RAVER2: variants seen among roughly 807,000 people sequenced by gnomAD.
The protein encoded by RAVER2 is ribonucleoprotein, PTB binding 2.
A neutral mutation model predicts 78.1 loss-of-function variants in RAVER2; 46 were observed. The observed-to-expected ratio is 0.59, with a 90% CI of 0.46 to 0.75. RAVER2 has a LOEUF of 0.75. Among genes scored for constraint, RAVER2 ranks in the 30% least tolerant of loss-of-function variants. The pLI is 0.00. For synonymous variants in RAVER2, 311 were observed against 313.3 expected (o/e 0.99, Z 0.08); for missense variants, 793 against 837.5 (o/e 0.95, Z 0.66).
chr1:64,763,180 C>G (rs1652070646), intron 1 of RAVER2, among the ~76,000 whole-genome samples: 1 of 151,998 alleles, frequency 6.6e-6, no homozygotes, highest in South Asian at 2.1e-4. Flanking sequence ...GCCTGTAGTC[C>G]CAGCTACTCA....
intron 5 of RAVER2, among the ~76,000 whole-genome samples, chr1:64,797,792 A>G (rs1283103816): frequency 6.6e-6 from 1 of 152,146 alleles, no homozygotes; most frequent in Non-Finnish European, 1.5e-5. Flanking sequence ...TGTTTAACAA[A>G]ATATATTTTA....
rs200629449 is a variant in RAVER2, at chr1:64,803,105, T to A, written c.1191+44T>A. ...GTACTGAAGCATTAAATATTCGGAG[T>A]GAATATTTTGTTTGTTCTTAACACT... On this transcript the variant is annotated intron_variant, in intron 6 of 11. Coordinates refer to ENST00000294428, the Ensembl canonical transcript of RAVER2. 1.1e-4 allele frequency: 156 copies of A among 1,388,518 alleles called. No homozygotes were observed. The East Asian group carries it at 3.6e-3, about 32-fold the overall frequency. 86.0% of individuals were successfully genotyped at this position (1,388,518 alleles called of 1,614,324 possible). A position where few individuals can be genotyped will look rare whatever the true frequency, so the allele number is the denominator to read the frequency against.
chr1:64,785,299 T>G (rs2483616), intron 4 of RAVER2, among the ~76,000 whole-genome samples: 73,415 of 151,642 alleles, frequency 0.48, 20,475 homozygotes, highest in African/African-American at 0.78. Flanking sequence ...TTCTCCTTAA[T>G]TTCTTTAGCG....
At chr1:64,775,472 A>G (rs1193483978) in intron 2 of RAVER2, among the ~76,000 whole-genome samples, 3 of 152,214 alleles carry the variant, frequency 2.0e-5, no homozygotes, top group African/African-American at 7.2e-5. Flanking sequence ...AATCTGGCAC[A>G]TGATACGGAA....
intron 11 of RAVER2, among the ~76,000 whole-genome samples, chr1:64,823,900 G>A (rs1169879777): frequency 6.7e-6 from 1 of 148,994 alleles, no homozygotes; most frequent in African/African-American, 2.5e-5. Context: ...TCCACCTCCT[G>A]GGTTCAAGTG....
chr1:64,749,255 G>A (rs889507484), intron 1 of RAVER2, among the ~76,000 whole-genome samples: 2 of 152,144 alleles, frequency 1.3e-5, no homozygotes, highest in Admixed American at 6.5e-5. Context: ...CTGTCGCCCA[G>A]GCTGCAGTGC....
At chr1:64,773,220 G>C (rs918940618) in intron 2 of RAVER2, among the ~76,000 whole-genome samples, 2 of 152,006 alleles carry the variant, frequency 1.3e-5, no homozygotes, top group Admixed American at 1.3e-4. Context: ...AAAGTTCTGG[G>C]GTAAATGTGC....
intron 3 of RAVER2, among the ~76,000 whole-genome samples, chr1:64,780,916 A>G (rs1490916902): frequency 1.3e-5 from 2 of 152,210 alleles, no homozygotes; most frequent in Non-Finnish European, 2.9e-5. Context: ...TCTGCCTAAA[A>G]TAGTGAAATA....
At chr1:64,777,002 C>T (rs1467063608) in intron 2 of RAVER2, among the ~76,000 whole-genome samples, 4 of 152,090 alleles carry the variant, frequency 2.6e-5, no homozygotes, top group Non-Finnish European at 5.9e-5. Context: ...GTAACCTTTT[C>T]ATTTGATATT....
intron 5 of RAVER2, among the ~76,000 whole-genome samples, chr1:64,790,504 A>G (rs1267415769): frequency 6.6e-6 from 1 of 152,208 alleles, no homozygotes; most frequent in African/African-American, 2.4e-5. Context: ...GGATATGCCA[A>G]AGAGAAGCTG....
chr1:64,748,406 A>T (rs1651602457), intron 1 of RAVER2, among the ~76,000 whole-genome samples: 1 of 152,180 alleles, frequency 6.6e-6, no homozygotes, highest in Non-Finnish European at 1.5e-5. Flanking sequence ...CCCTTGAGGG[A>T]TACTCCTGAA....
chr1:64,756,977 A>AT (rs1334672210), intron 1 of RAVER2, among the ~76,000 whole-genome samples: 1 of 152,246 alleles, frequency 6.6e-6, no homozygotes, highest in Non-Finnish European at 1.5e-5. Context: ...CAGGGGGTAC[A>AT]TGACATTAAC....
chr1:64,805,107 T>C lies in RAVER2; in HGVS notation c.1411+2T>C. ...ATCATCATGGAGAAGCACATAAAAG[T>C]AAATGATGTGTATTTACTGAGAAGT... On this transcript the variant is annotated splice_donor_variant, in intron 8 of 11. Coordinates refer to ENST00000294428, the Ensembl canonical transcript of RAVER2. LOFTEE classifies it high-confidence loss of function. 6.2e-7 allele frequency: 1 copy of C among 1,608,942 alleles called. No homozygotes were observed. Among genetic ancestry groups the C allele is most frequent in the Non-Finnish European group, 8.5e-7 (1 of 1,175,356 alleles).
chr1:64,833,107 TA>T (rs1654222583), exon 12 of RAVER2: 1 of 181,344 alleles, frequency 5.5e-6, no homozygotes, highest in East Asian at 9.2e-5. Context: ...GTTTGTTTGT[TA>T]GTAGTAAGGA....
intron 9 of RAVER2, among the ~76,000 whole-genome samples, chr1:64,808,155 A>AT (rs1405327418): frequency 6.6e-6 from 1 of 152,148 alleles, no homozygotes; most frequent in Non-Finnish European, 1.5e-5. Flanking sequence ...ATTCTGGAAG[A>AT]TTTTACCGAA....
Position 64,810,682 on chromosome 1 carries a change from T to C in RAVER2, c.1681-2056T>C, listed in dbSNP as rs150223316. 2.0e-5 allele frequency among the ~76,000 whole-genome samples: 3 copies of C among 152,344 alleles called. No homozygotes were observed. The East Asian group carries it at 5.8e-4, about 29-fold the overall frequency. On this transcript the variant is annotated intron_variant, in intron 9 of 11. Transcript: ENST00000294428. ...TGCATTTCCCTAATGATTAGTGATG[T>C]TGAGCATTTTTGTGTGTGCTTACTG...
At chr1:64,805,752 A>G (rs951754958) in intron 8 of RAVER2, among the ~76,000 whole-genome samples, 2 of 152,226 alleles carry the variant, frequency 1.3e-5, no homozygotes, top group Non-Finnish European at 2.9e-5. Context: ...TTTAAAAAAA[A>G]GTCAATTAAA....
intron 2 of RAVER2, among the ~76,000 whole-genome samples, chr1:64,769,482 A>AAAT (rs1652259267): frequency 6.6e-6 from 1 of 152,056 alleles, no homozygotes; most frequent in South Asian, 2.1e-4. Context: ...AGCTGTTCAC[A>AAAT]AATTCTTGTT....
chr1:64,763,978 T>C (rs1339296970), intron 1 of RAVER2, among the ~76,000 whole-genome samples: 3 of 150,264 alleles, frequency 2.0e-5, no homozygotes, highest in African/African-American at 7.4e-5. Context: ...ATTTAGCAAT[T>C]CTACTCCTTA....
Sources: gnomAD v4.1 joint callset for allele counts (sites outside exome capture counted in the v4.1 genomes callset) on GRCh38, gnomAD v4.1.1 for gene constraint, MANE v1.5 for transcripts, NCBI Gene and HGNC (gene_info 2026-07-23, HGNC 2026-07-21) for gene names.